PDLIM5: variants seen among roughly 807,000 people sequenced by gnomAD.
PDLIM5 encodes the protein PDZ and LIM domain protein 5.
A neutral mutation model predicts 64.2 loss-of-function variants in PDLIM5; 34 were observed. That is an observed-to-expected ratio of 0.53 (90% CI 0.40 to 0.71). PDLIM5 has a LOEUF of 0.71. Among genes scored for constraint, PDLIM5 ranks in the 30% least tolerant of loss-of-function variants. PDLIM5 has a pLI of 0.00. For missense variants in PDLIM5, 683 were observed against 733.6 expected (o/e 0.93, Z 0.80); for synonymous variants, 253 against 269.1 (o/e 0.94, Z 0.59).
chr4:94,577,378 G>C (rs1735363561), intron 5 of PDLIM5: 1 of 456,630 alleles, frequency 2.2e-6, no homozygotes, highest in Admixed American at 2.3e-5. Context: ...CCAGGCTGCT[G>C]CTGAGAGAGG....
At position 94,586,399 on chromosome 4, in the gene PDLIM5, A is replaced by G; in HGVS notation, c.884-9A>G. On this transcript the variant is annotated splice_polypyrimidine_tract_variant and intron_variant, in intron 6 of 12. Transcript: ENST00000317968. ...AAACTAATATTGGATATTGCTTATTATATTTCAGTGAAAGAATCTGAAGCC... is the reference window on the plus strand; with the variant it reads ...AAACTAATATTGGATATTGCTTATTGTATTTCAGTGAAAGAATCTGAAGCC... 1.4e-6 allele frequency: 2 copies of G among 1,448,974 alleles called. No individual in the cohort carries two copies. The highest frequency in any genetic ancestry group is 1.4e-5 in the African/African-American group (1 of 71,474). 89.8% of individuals were successfully genotyped at this position (1,448,974 alleles called of 1,614,324 possible). A position where few individuals can be genotyped will look rare whatever the true frequency, so the allele number is the denominator to read the frequency against.
At chr4:94,483,819 T>C (rs1055039653) in intron 2 of PDLIM5, among the ~76,000 whole-genome samples, 2 of 152,224 alleles carry the variant, frequency 1.3e-5, no homozygotes, top group African/African-American at 4.8e-5. Context: ...CATTCTAATC[T>C]TCACATTTAT....
intron 7 of PDLIM5, among the ~76,000 whole-genome samples, chr4:94,604,382 C>T (rs1057186829): frequency 6.6e-6 from 1 of 152,112 alleles, no homozygotes; most frequent in Non-Finnish European, 1.5e-5. Flanking sequence ...GCCTGTAATC[C>T]CAGCACTTTG....
intron 2 of PDLIM5, among the ~76,000 whole-genome samples, chr4:94,471,691 C>T (rs1415980961): frequency 2.0e-5 from 3 of 152,096 alleles, no homozygotes; most frequent in Admixed American, 6.5e-5. Context: ...AATTACTGAA[C>T]AGTGCCCCAA....
chr4:94,455,859 C>A, intron 2 of PDLIM5: 1 of 1,376,216 alleles, frequency 7.3e-7, no homozygotes, highest in Non-Finnish European at 1.0e-6. Flanking sequence ...GTAAGATGGC[C>A]AAAAGCTACT....
chr4:94,558,432 T>C (rs1733549906), intron 3 of PDLIM5, among the ~76,000 whole-genome samples: 2 of 152,200 alleles, frequency 1.3e-5, no homozygotes, highest in Non-Finnish European at 2.9e-5. Flanking sequence ...TAGCATTTAA[T>C]TGTGGTAGAA....
intron 2 of PDLIM5, among the ~76,000 whole-genome samples, chr4:94,478,444 C>T (rs868284537): frequency 2.0e-5 from 3 of 151,830 alleles, no homozygotes; most frequent in African/African-American, 4.8e-5. Context: ...ATCCAATCCC[C>T]GCGTTGTTCA....
chr4:94,611,760 A>T lies in PDLIM5; in HGVS notation c.921-6244A>T, dbSNP rs1226254091. Reference sequence around the variant, plus strand: ...ATAAAACTATCACAAGTGTTTACTAAAGATATAATCTCAATGAAATAACTG... The same window carrying T: ...ATAAAACTATCACAAGTGTTTACTATAGATATAATCTCAATGAAATAACTG... On this transcript the variant is annotated intron_variant, in intron 7 of 12. Coordinates refer to ENST00000317968, the MANE Select transcript of PDLIM5 (RefSeq NM_006457.5). 2.6e-5 allele frequency among the ~76,000 whole-genome samples: 4 copies of T among 152,224 alleles called. No individual in the cohort carries two copies. The East Asian group carries it at 7.7e-4, about 29-fold the overall frequency.
intron 2 of PDLIM5, among the ~76,000 whole-genome samples, chr4:94,506,642 A>G (rs1279367971): frequency 1.3e-5 from 2 of 152,220 alleles, no homozygotes; most frequent in African/African-American, 2.4e-5. Flanking sequence ...GTTTGAATAT[A>G]TGAATTTTGG....
intron 3 of PDLIM5, among the ~76,000 whole-genome samples, chr4:94,551,180 C>T (rs1351375495): frequency 1.3e-5 from 2 of 152,040 alleles, no homozygotes; most frequent in Non-Finnish European, 2.9e-5. Flanking sequence ...GGTTTTATAG[C>T]TAGTCTGGTT....
At chr4:94,648,845 G>A (rs1741620930) in intron 9 of PDLIM5, among the ~76,000 whole-genome samples, 1 of 152,200 alleles carries the variant, frequency 6.6e-6, no homozygotes, top group South Asian at 2.1e-4. Flanking sequence ...AGGGCCAGCA[G>A]TAGAGCCTCT....
At chr4:94,503,301 C>T (rs184315922) in intron 2 of PDLIM5, among the ~76,000 whole-genome samples, 51 of 152,290 alleles carry the variant, frequency 3.3e-4, no homozygotes, top group African/African-American at 1.2e-3. Context: ...AATTCAGTGA[C>T]TGGTGTACTC....
chr4:94,534,579 A>G (rs1282414673), intron 3 of PDLIM5, among the ~76,000 whole-genome samples: 1 of 152,192 alleles, frequency 6.6e-6, no homozygotes, highest in African/African-American at 2.4e-5. Context: ...TCCCATTCTA[A>G]TGGAAAGCCT....
chr4:94,586,578 C>A, intron 7 of PDLIM5, 134 bp downstream of exon 7: 1 of 613,256 alleles, frequency 1.6e-6, no homozygotes, highest in South Asian at 2.2e-5. Flanking sequence ...AACTTTGGTG[C>A]CTTTTGTGTG....
intron 8 of PDLIM5, among the ~76,000 whole-genome samples, chr4:94,624,670 C>A (rs6824181): frequency 0.6 from 91,099 of 152,006 alleles, 28,294 homozygotes; most frequent in Middle Eastern, 0.73. Context: ...TAGTCAACGA[C>A]CCTTGAACAT....
intron 2 of PDLIM5, among the ~76,000 whole-genome samples, chr4:94,523,102 A>G (rs981686089): frequency 2.6e-5 from 4 of 152,220 alleles, no homozygotes; most frequent in African/African-American, 9.6e-5. Flanking sequence ...GGACTGTGAC[A>G]TGCACAAAAA....
Position 94,600,131 on chromosome 4 carries a change from A to G in PDLIM5, c.920+13687A>G, listed in dbSNP as rs534933727. 2.0e-5 allele frequency among the ~76,000 whole-genome samples: 3 copies of G among 152,314 alleles called. No individual in the cohort carries two copies. The South Asian group carries it at 6.2e-4, about 32-fold the overall frequency. On this transcript the variant is annotated intron_variant, in intron 7 of 12. Transcript: ENST00000317968. ...TTAATCCTCAGAGTCCATTACAGGA[A>G]AATGGATACTAGAATGTAAGCTTCA...
intron 8 of PDLIM5, among the ~76,000 whole-genome samples, chr4:94,628,576 A>G (rs1403121492): frequency 6.7e-6 from 1 of 148,622 alleles, no homozygotes; most frequent in African/African-American, 2.5e-5. Context: ...AACTCTATTT[A>G]TGTGGTCAAC....
rs28711519 is a variant in PDLIM5 at position 94,494,440 on chromosome 4, T to G, written c.97-29284T>G. Among the ~76,000 whole-genome samples the G allele has an allele frequency of 2.8e-3, 134 of 48,506 alleles. 3 individuals are homozygous for G. Among genetic ancestry groups the G allele is most frequent in the South Asian group, 5.0e-3 (9 of 1,784 alleles). 31.8% of individuals were successfully genotyped at this position (48,506 alleles called of 152,430 possible). On this transcript the variant is annotated intron_variant, in intron 2 of 12. Transcript: ENST00000317968. Reference sequence around the variant, plus strand: ...CTAATTTTTTTTTTCTTGTTTTTTTTTTTTTTTTTTTTTTTTGAGACGGAA... The same window carrying G: ...CTAATTTTTTTTTTCTTGTTTTTTTGTTTTTTTTTTTTTTTTGAGACGGAA...
Sources: gnomAD v4.1 joint callset for allele counts (sites outside exome capture counted in the v4.1 genomes callset) on GRCh38, gnomAD v4.1.1 for gene constraint, MANE v1.5 for transcripts, NCBI Gene and HGNC (gene_info 2026-07-23, HGNC 2026-07-21) for gene names.